The following FRYL variants were observed in gnomAD, a reference collection of about 807,000 sequenced individuals.
FRYL encodes FRY like transcription coactivator.
In FRYL, 150 loss-of-function variants were observed where a neutral mutation model predicts 351.2. That is an observed-to-expected ratio of 0.43 (90% CI 0.37 to 0.49). The LOEUF (loss-of-function observed/expected upper bound fraction) is 0.49. Ranked by LOEUF, FRYL falls within the 20% of genes least tolerant of loss-of-function variation. The pLI is 0.00. For missense variants in FRYL, 3,036 were observed against 3,619.3 expected (o/e 0.84, Z 4.13); for synonymous variants, 1,153 against 1,257.1 (o/e 0.92, Z 1.75).
intron 4 of FRYL, among the ~76,000 whole-genome samples, chr4:48,628,431 CGTGTGT>C (rs397993302): frequency 2.9e-4 from 42 of 144,660 alleles, no homozygotes; most frequent in African/African-American, 4.4e-4. Flanking sequence ...CCTTCATTTG[CGTGTGT>C]GTGTGTGTGT....
At chr4:48,618,067 C>T (rs1277058242) in intron 7 of FRYL, 1 of 152,176 alleles carries the variant, frequency 6.6e-6, no homozygotes, top group Non-Finnish European at 1.5e-5. Context: ...TTAGCTCTTC[C>T]TATCCTAGTG....
At chr4:48,668,383 A>C (rs1204461752) in intron 3 of FRYL, among the ~76,000 whole-genome samples, 1 of 150,792 alleles carries the variant, frequency 6.6e-6, no homozygotes, top group African/African-American at 2.4e-5. Context: ...CATCTCAAAA[A>C]ATTAAAAAAA....
At chr4:48,760,288 A>C (rs149265559) in intron 1 of FRYL, among the ~76,000 whole-genome samples, 60 of 151,946 alleles carry the variant, frequency 3.9e-4, no homozygotes, top group African/African-American at 1.3e-3. Context: ...TCAACCTTCC[A>C]ATTATGGCAT....
chr4:48,658,383 C>G (rs1011391520), intron 3 of FRYL, among the ~76,000 whole-genome samples: 2 of 151,866 alleles, frequency 1.3e-5, no homozygotes, highest in Non-Finnish European at 2.9e-5. Context: ...CCTTCTACAG[C>G]CCCCACAGAT....
chr4:48,553,662 A>AAC (rs1553928121), intron 35 of FRYL, among the ~76,000 whole-genome samples: 2 of 118,654 alleles, frequency 1.7e-5, no homozygotes, highest in Non-Finnish European at 3.8e-5. Flanking sequence ...TAAAAAAAAA[A>AAC]AAAAAAAAAA....
At chr4:48,746,474 G>A (rs1772691092) in intron 1 of FRYL, among the ~76,000 whole-genome samples, 1 of 150,762 alleles carries the variant, frequency 6.6e-6, no homozygotes, top group Non-Finnish European at 1.5e-5. Context: ...GAACCCGGGA[G>A]GCGGAGCTTG....
intron 58 of FRYL, 119 bp from the exon 59 acceptor site, chr4:48,510,276 A>T (rs1377331128): frequency 2.8e-6 from 2 of 723,364 alleles, no homozygotes; most frequent in Non-Finnish European, 4.9e-6. Context: ...ATATTCTCTT[A>T]ACTCTACTCT....
At chr4:48,510,247 G>A (rs780919454) in intron 58 of FRYL, 90 bp from the exon 59 acceptor site, 2 of 933,240 alleles carry the variant, frequency 2.1e-6, no homozygotes, top group Non-Finnish European at 3.5e-6. Context: ...TCATGGAATA[G>A]CTGTTAGTTG....
chr4:48,530,772 A>C (rs1449436600), intron 50 of FRYL, among the ~76,000 whole-genome samples: 3 of 152,158 alleles, frequency 2.0e-5, no homozygotes, highest in Admixed American at 6.5e-5. Flanking sequence ...GCCTGTCTAG[A>C]ATTACTTGTC....
At chr4:48,575,971 C>T in intron 24 of FRYL, 59 bp downstream of exon 24, 1 of 1,329,858 alleles carries the variant, frequency 7.5e-7, no homozygotes, top group Non-Finnish European at 1.0e-6. Flanking sequence ...ATTTTAAAAT[C>T]TTATTTTTAT....
chr4:48,662,575 A>G (rs1760968539), intron 3 of FRYL, among the ~76,000 whole-genome samples: 1 of 151,988 alleles, frequency 6.6e-6, no homozygotes, highest in Admixed American at 6.6e-5. Context: ...AAGAAAAAGC[A>G]TGCTAAGGTG....
In FRYL at chr4:48,623,958, A is replaced by G. The variant is rs532828906; in HGVS notation, c.121-779T>C. ...CCATGTGTTTACCAGTGGGGAGAGA[A>G]ATTTGATAGTTAGAAAAAGAGGTAA... is the stretch of plus-strand genomic sequence containing the variant. On this transcript the variant is annotated intron_variant, in intron 4 of 63. Transcript: ENST00000358350. 2.0e-5 allele frequency among the ~76,000 whole-genome samples: 3 copies of G among 152,276 alleles called. No homozygotes were observed. In the South Asian group the frequency reaches 6.2e-4, roughly 32 times the overall value.
In FRYL at chr4:48,582,971, C is replaced by A. The variant is rs1404222340; in HGVS notation, c.1749-237G>T. Among the ~76,000 whole-genome samples, 3 of 152,212 alleles carry A rather than the reference C, an allele frequency of 2.0e-5. No individual in the cohort carries two copies. The East Asian group carries it at 5.8e-4, about 29-fold the overall frequency. ...CATTAGTTGGTGTTTTTACTATAAT[C>A]TGAATAATAAGTTTGATACAAATGA... On this transcript the variant is annotated intron_variant, in intron 19 of 63. Coordinates refer to ENST00000358350, the MANE Select transcript of FRYL (RefSeq NM_015030.2).
rs1452946074 is a variant in FRYL at position 48,632,106 on chromosome 4, A to ATATATGTG, written c.120+2184_120+2185insCACATATA. ...AAAAAAAAAAAATATATATATATATATATATATATATATATATATATATGC... is the reference window on the plus strand; with the variant it reads ...AAAAAAAAAAAATATATATATATATATATATGTGTATATATATATATATATATATATGC... On this transcript the variant is annotated intron_variant, in intron 4 of 63. Transcript: ENST00000358350. Among the ~76,000 whole-genome samples the ATATATGTG allele has an allele frequency of 7.6e-4, 44 of 58,168 alleles. 1 individual carries two copies. The South Asian group carries it at 0.024, about 32-fold the overall frequency. The allele number at this position is 58,168 out of a possible 152,430, so 38.2% of individuals were successfully genotyped here. A position where few individuals can be genotyped will look rare whatever the true frequency, so the allele number is the denominator to read the frequency against.
intron 1 of FRYL, among the ~76,000 whole-genome samples, chr4:48,777,351 T>C (rs1252568271): frequency 2.6e-5 from 4 of 152,248 alleles, no homozygotes; most frequent in Non-Finnish European, 5.9e-5. Flanking sequence ...TAGTATAAAA[T>C]GTTCAGAAAG....
intron 3 of FRYL, among the ~76,000 whole-genome samples, chr4:48,662,656 T>A (rs567419937): frequency 1.6e-4 from 24 of 150,086 alleles, no homozygotes; most frequent in African/African-American, 4.9e-4. Context: ...GCCAGCACAG[T>A]GGCGCGTGCA....
At chr4:48,595,484 G>GT in intron 15 of FRYL, 106 bp downstream of exon 15, 1 of 567,410 alleles carries the variant, frequency 1.8e-6, no homozygotes, top group Non-Finnish European at 3.1e-6. Context: ...ATTCAATGTT[G>GT]TATTACTATG....
chr4:48,632,105 T>C (rs1306372602), intron 4 of FRYL, among the ~76,000 whole-genome samples: 1 of 39,986 alleles, frequency 2.5e-5, no homozygotes, highest in Admixed American at 4.8e-4. Flanking sequence ...TATATATATA[T>C]ATATATATAT....
Position 48,580,892 on chromosome 4 carries a change from G to C in FRYL, c.2232C>G (p.Ser744Arg). ...GATCAGCCCCAGTGAGATGTATGAA[G>C]CTCTCAAGAATGGATGGGCTTAGCC... ...MDRLSPSILE[S>R]FIHLTGADQT... The change falls in exon 22 of 64, where the codon AGC (serine) becomes AGG (arginine). Residue 744 changes from serine to arginine, a missense_variant. Transcript: ENST00000358350. 6.2e-7 allele frequency: 1 copy of C among 1,609,450 alleles called. No individual in the cohort carries two copies. Among genetic ancestry groups the C allele is most frequent in the Non-Finnish European group, 8.5e-7 (1 of 1,177,212 alleles).
Sources: gnomAD v4.1 joint callset for allele counts (sites outside exome capture counted in the v4.1 genomes callset) on GRCh38, gnomAD v4.1.1 for gene constraint, MANE v1.5 for transcripts, NCBI Gene and HGNC (gene_info 2026-07-23, HGNC 2026-07-21) for gene names.